CDH13: variants seen among roughly 807,000 people sequenced by gnomAD.
CDH13 encodes cadherin 13.
A neutral mutation model predicts 63.8 loss-of-function variants in CDH13; 24 were observed. The ratio of observed to expected loss-of-function variants is 0.38; its 90% CI spans 0.27 to 0.53. The LOEUF is 0.53. Ranked by LOEUF, CDH13 falls within the 20% of genes least tolerant of loss-of-function variation. The probability of loss-of-function intolerance (pLI) is 0.85; values close to 1 mark genes in which losing one functional copy is unlikely to be tolerated. For missense variants in CDH13, 1,049 were observed against 903.1 expected, an observed-to-expected ratio of 1.16 and a Z score of -2.07; for synonymous variants, 503 against 355.3, an observed-to-expected ratio of 1.42 and a Z score of -4.67.
At chr16:83,069,730 C>T (rs2032296076) in intron 3 of CDH13, among the ~76,000 whole-genome samples, 1 of 152,178 alleles carries the variant, frequency 6.6e-6, no homozygotes, top group Non-Finnish European at 1.5e-5. Flanking sequence ...CAAAGGCTCA[C>T]TCTGACACCC....
At chr16:82,912,726 G>GT (rs1302371440) in intron 2 of CDH13, among the ~76,000 whole-genome samples, 1 of 152,140 alleles carries the variant, frequency 6.6e-6, no homozygotes, top group Non-Finnish European at 1.5e-5. Context: ...GGCGGATCAC[G>GT]AGGTCAGGAG....
At chr16:83,005,675 A>C (rs917236192) in intron 2 of CDH13, among the ~76,000 whole-genome samples, 3 of 152,214 alleles carry the variant, frequency 2.0e-5, no homozygotes, top group African/African-American at 2.4e-5. Flanking sequence ...ATCACAGCTC[A>C]TGCATGCCTT....
At chr16:82,985,629 C>G (rs1479705201) in intron 2 of CDH13, among the ~76,000 whole-genome samples, 6 of 152,094 alleles carry the variant, frequency 3.9e-5, no homozygotes, top group African/African-American at 1.4e-4. Flanking sequence ...GGGCAGGACC[C>G]TCACCCTCTC....
At chr16:82,848,723 C>A (rs535474236) in intron 1 of CDH13, among the ~76,000 whole-genome samples, 2 of 152,138 alleles carry the variant, frequency 1.3e-5, no homozygotes, top group Admixed American at 1.3e-4. Flanking sequence ...TGAAACACAG[C>A]AATATTGAAG....
intron 6 of CDH13, among the ~76,000 whole-genome samples, chr16:83,437,358 T>A (rs1339077421): frequency 6.6e-6 from 1 of 152,180 alleles, no homozygotes; most frequent in Non-Finnish European, 1.5e-5. Flanking sequence ...GTACTCAGCT[T>A]AATAATGTAC....
intron 7 of CDH13, among the ~76,000 whole-genome samples, chr16:83,498,239 C>A (rs1268917539): frequency 6.6e-6 from 1 of 152,146 alleles, no homozygotes; most frequent in Non-Finnish European, 1.5e-5. Flanking sequence ...CTCCCTGGAG[C>A]TGAGTCTTGG....
intron 10 of CDH13, among the ~76,000 whole-genome samples, chr16:83,686,521 C>G (rs1367109120): frequency 6.6e-6 from 1 of 152,176 alleles, no homozygotes; most frequent in Non-Finnish European, 1.5e-5. Flanking sequence ...ATCATGACAA[C>G]TTTAGCAGGC....
intron 4 of CDH13, among the ~76,000 whole-genome samples, chr16:83,132,739 A>ACTG: frequency 6.6e-6 from 1 of 152,062 alleles, no homozygotes; most frequent in African/African-American, 2.4e-5. Flanking sequence ...CCCCCTTTTA[A>ACTG]GGCAACTAGC....
At chr16:82,860,668 C>A (rs939058899) in intron 2 of CDH13, among the ~76,000 whole-genome samples, 27 of 151,768 alleles carry the variant, frequency 1.8e-4, no homozygotes, top group African/African-American at 6.3e-4. Context: ...CAAAGCAGAT[C>A]TGGTTAGGTA....
intron 2 of CDH13, among the ~76,000 whole-genome samples, chr16:82,944,684 C>T (rs1009883246): frequency 1.3e-5 from 2 of 152,134 alleles, no homozygotes; most frequent in African/African-American, 4.8e-5. Flanking sequence ...TTGAGAAACC[C>T]TGGGTACCTG....
chr16:82,643,846 A>G (rs1018348286), intron 1 of CDH13, among the ~76,000 whole-genome samples: 2 of 152,046 alleles, frequency 1.3e-5, no homozygotes, highest in East Asian at 1.9e-4. Flanking sequence ...GAGCTCAAGC[A>G]ACCCTCTTGC....
At chr16:82,935,589 C>A (rs1245799922) in intron 2 of CDH13, among the ~76,000 whole-genome samples, 1 of 152,156 alleles carries the variant, frequency 6.6e-6, no homozygotes, top group Non-Finnish European at 1.5e-5. Context: ...AAAACTGATT[C>A]TTAAGCAGTG....
At chr16:83,490,768 C>G (rs1197206483) in intron 7 of CDH13, among the ~76,000 whole-genome samples, 1 of 152,148 alleles carries the variant, frequency 6.6e-6, no homozygotes, top group Admixed American at 6.6e-5. Flanking sequence ...GGTGAACTGG[C>G]CATTTCTTCC....
intron 2 of CDH13, among the ~76,000 whole-genome samples, chr16:82,979,457 A>G (rs1909971917): frequency 6.6e-6 from 1 of 151,646 alleles, no homozygotes; most frequent in Non-Finnish European, 1.5e-5. Context: ...ACGTGGGGGG[A>G]GACGACTGGA....
intron 1 of CDH13, among the ~76,000 whole-genome samples, chr16:82,643,993 T>C (rs1180451720): frequency 6.6e-6 from 1 of 152,108 alleles, no homozygotes; most frequent in Non-Finnish European, 1.5e-5. Flanking sequence ...CAAGTGATCC[T>C]CCAGGAGTAG....
At chr16:83,349,182 C>G (rs2090900677) in intron 6 of CDH13, among the ~76,000 whole-genome samples, 1 of 152,198 alleles carries the variant, frequency 6.6e-6, no homozygotes, top group South Asian at 2.1e-4. Flanking sequence ...TGAGCTGTTG[C>G]TTTTGCAGAG....
intron 7 of CDH13, among the ~76,000 whole-genome samples, chr16:83,495,075 A>C (rs998413751): frequency 6.6e-6 from 1 of 152,200 alleles, no homozygotes; most frequent in South Asian, 2.1e-4. Flanking sequence ...AGAAAGAGTC[A>C]AACTCTATAA....
At chr16:83,257,433 C>T (rs1906431022) in intron 5 of CDH13, among the ~76,000 whole-genome samples, 1 of 152,140 alleles carries the variant, frequency 6.6e-6, no homozygotes, top group Non-Finnish European at 1.5e-5. Flanking sequence ...CCTCTCCGCT[C>T]AGCTTTTAGG....
rs1367971790 is a variant in CDH13, at chr16:83,216,427, T to TATATATATATATATAAATATATAA, written c.484-903_484-902insAATATATAAATATATATATATATA. Among the ~76,000 whole-genome samples, 8 of 45,056 alleles carry TATATATATATATATAAATATATAA rather than the reference T, an allele frequency of 1.8e-4. 2 individuals are homozygous for TATATATATATATATAAATATATAA. The highest frequency in any genetic ancestry group is 4.0e-4 in the Non-Finnish European group (8 of 20,142). 29.6% of individuals were successfully genotyped at this position (45,056 alleles called of 152,430 possible). A position where few individuals can be genotyped will look rare whatever the true frequency, so the allele number is the denominator to read the frequency against. ...ATATATATATATATATATATATATA[T>TATATATATATATATAAATATATAA]ATATATATATATATATACACAACCC... is the stretch of plus-strand genomic sequence containing the variant. On this transcript the variant is annotated intron_variant, in intron 4 of 13. Coordinates refer to ENST00000567109, the MANE Select transcript of CDH13 (RefSeq NM_001257.5).
Sources: allele counts gnomAD v4.1 joint callset (sites outside exome capture counted in the v4.1 genomes callset), GRCh38; gene constraint gnomAD v4.1.1; transcripts MANE v1.5; gene names NCBI Gene and HGNC (gene_info 2026-07-23, HGNC 2026-07-21).